CFAP20DC: variants seen among roughly 807,000 people sequenced by gnomAD.
CFAP20DC encodes CFAP20 domain containing, also known as protein CFAP20DC.
In CFAP20DC, 84 loss-of-function variants were observed where a neutral mutation model predicts 101.7. That is an observed-to-expected ratio of 0.83 (90% CI 0.69 to 0.99). The LOEUF (loss-of-function observed/expected upper bound fraction) is 0.99. Among genes scored for constraint, CFAP20DC ranks in the 50% least tolerant of loss-of-function variants. The pLI, the probability that CFAP20DC is intolerant of heterozygous loss-of-function variation, is 0.00. For missense variants in CFAP20DC, 1,007 were observed against 970.3 expected (o/e 1.04, Z -0.50); for synonymous variants, 359 against 351.2 (o/e 1.02, Z -0.25).
chr3:58,981,477 C>A (rs1202419416), intron 4 of CFAP20DC, among the ~76,000 whole-genome samples: 1 of 152,144 alleles, frequency 6.6e-6, no homozygotes. Context: ...CTACAGTAAC[C>A]AAAACAGCAT....
chr3:59,023,734 T>C (rs1313971242), intron 4 of CFAP20DC, among the ~76,000 whole-genome samples: 1 of 152,108 alleles, frequency 6.6e-6, no homozygotes, highest in Non-Finnish European at 1.5e-5. Flanking sequence ...AAAATTCAAA[T>C]ACTGATCATT....
chr3:58,761,279 G>C lies in CFAP20DC; in HGVS notation c.2238-7416C>G, dbSNP rs528121898. Among the ~76,000 whole-genome samples the C allele has an allele frequency of 4.6e-5, 7 of 152,160 alleles. No homozygotes were observed. The East Asian group carries it at 5.8e-4, about 13-fold the overall frequency. On this transcript the variant is annotated intron_variant, in intron 15 of 16. Transcript: ENST00000482387. ...TTAGTCTTGGGAGGGTGTATGTGTCGAGGAATTTATCCATTTCTTCTAGAT... is the reference window on the plus strand; with the variant it reads ...TTAGTCTTGGGAGGGTGTATGTGTCCAGGAATTTATCCATTTCTTCTAGAT...
At chr3:58,816,789 C>T (rs1017115790) in intron 14 of CFAP20DC, among the ~76,000 whole-genome samples, 1 of 152,162 alleles carries the variant, frequency 6.6e-6, no homozygotes, top group African/African-American at 2.4e-5. Context: ...GAGCCCACCA[C>T]AGCTCAAGGA....
intron 7 of CFAP20DC, among the ~76,000 whole-genome samples, chr3:58,884,314 T>A (rs556788741): frequency 6.6e-6 from 1 of 152,354 alleles, no homozygotes; most frequent in Non-Finnish European, 1.5e-5. Context: ...TTGAAAATAT[T>A]TCTATGTGTC....
intron 12 of CFAP20DC, among the ~76,000 whole-genome samples, chr3:58,854,189 C>A (rs986349631): frequency 6.6e-6 from 1 of 151,804 alleles, no homozygotes; most frequent in African/African-American, 2.4e-5. Flanking sequence ...GATACACCAA[C>A]AACAGACAAA....
At chr3:58,821,359 C>T (rs1454425784) in intron 14 of CFAP20DC, among the ~76,000 whole-genome samples, 3 of 151,956 alleles carry the variant, frequency 2.0e-5, no homozygotes, top group Non-Finnish European at 2.9e-5. Flanking sequence ...GAACAGGCAA[C>T]CTACAAAATG....
intron 15 of CFAP20DC, among the ~76,000 whole-genome samples, chr3:58,758,100 T>C (rs1039492059): frequency 6.6e-6 from 1 of 152,168 alleles, no homozygotes; most frequent in African/African-American, 2.4e-5. Flanking sequence ...CCTTGGGAAA[T>C]GATGCTCCAA....
At chr3:58,987,182 A>C (rs1559947749) in intron 4 of CFAP20DC, among the ~76,000 whole-genome samples, 1 of 152,112 alleles carries the variant, frequency 6.6e-6, no homozygotes, top group Non-Finnish European at 1.5e-5. Context: ...ACTGGAGTTA[A>C]AGCTTTCTTA....
chr3:58,873,867 G>C (rs2080499172), intron 7 of CFAP20DC, among the ~76,000 whole-genome samples: 1 of 152,044 alleles, frequency 6.6e-6, no homozygotes, highest in Non-Finnish European at 1.5e-5. Flanking sequence ...AGCTGTTCTA[G>C]ATGTTGTCAG....
At chr3:58,853,197 T>C (rs1212394701) in intron 12 of CFAP20DC, among the ~76,000 whole-genome samples, 1 of 152,140 alleles carries the variant, frequency 6.6e-6, no homozygotes, top group Non-Finnish European at 1.5e-5. Flanking sequence ...CAGAGAATAC[T>C]ACAAACACCT....
In CFAP20DC at chr3:58,814,243, C is replaced by T. The variant is rs867441147; in HGVS notation, c.2176-7787G>A. ...CCAAACCTCTATTCCAAATGACTTA[C>T]TCCATCCCTTGGAAAATAGAAGTGG... is the stretch of plus-strand genomic sequence containing the variant. On this transcript the variant is annotated intron_variant, in intron 14 of 16. Coordinates refer to ENST00000482387, the MANE Select transcript of CFAP20DC (RefSeq NM_001394063.1). Among the ~76,000 whole-genome samples, 9 of 151,924 alleles carry T rather than the reference C, an allele frequency of 5.9e-5. No individual in the cohort carries two copies. The South Asian group carries it at 1.0e-3, about 18-fold the overall frequency.
In CFAP20DC at chr3:58,864,698, C is replaced by T. The variant is rs2079529729; in HGVS notation, c.1259-806G>A. ...CCATGACAAGGTTGGCAGTCATTTC[C>T]TCTCTATTCTACTGATTCAAACAGG... On this transcript the variant is annotated intron_variant, in intron 11 of 16. Coordinates refer to ENST00000482387, the MANE Select transcript of CFAP20DC (RefSeq NM_001394063.1). This position sits in a 1 kb window ranked among gnomAD's most constrained non-coding sequence, Gnocchi z 4.7. Among the ~76,000 whole-genome samples, 2 of 152,116 alleles carry T rather than the reference C, an allele frequency of 1.3e-5. No homozygotes were observed. Among genetic ancestry groups the T allele is most frequent in the Non-Finnish European group, 2.9e-5 (2 of 68,022 alleles).
chr3:58,775,080 G>A (rs2071198814), intron 15 of CFAP20DC, among the ~76,000 whole-genome samples: 1 of 152,186 alleles, frequency 6.6e-6, no homozygotes, highest in South Asian at 2.1e-4. Context: ...GCCTCAGGAA[G>A]TCCTGACGAC....
intron 13 of CFAP20DC, among the ~76,000 whole-genome samples, chr3:58,846,860 G>A (rs1307102353): frequency 1.6e-4 from 24 of 150,010 alleles, no homozygotes; most frequent in Admixed American, 9.9e-4. Context: ...AAATAACGCC[G>A]CATATCTACA....
chr3:58,765,488 A>G (rs1357363934), intron 15 of CFAP20DC, among the ~76,000 whole-genome samples: 42 of 139,718 alleles, frequency 3.0e-4, no homozygotes, highest in East Asian at 8.3e-4. Flanking sequence ...AAAAAAAAAA[A>G]CCAAAAAAAA....
intron 5 of CFAP20DC, among the ~76,000 whole-genome samples, chr3:58,928,831 G>A (rs2086265368): frequency 6.6e-6 from 1 of 152,156 alleles, no homozygotes; most frequent in African/African-American, 2.4e-5. Context: ...CATAACATGA[G>A]CTGAAGTCAC....
intron 4 of CFAP20DC, among the ~76,000 whole-genome samples, chr3:59,025,171 C>G (rs2093872530): frequency 6.6e-6 from 1 of 152,164 alleles, no homozygotes; most frequent in African/African-American, 2.4e-5. Flanking sequence ...ACTCTGATGC[C>G]AGGACTTCTT....
At chr3:58,936,708 G>C (rs1469714235) in intron 5 of CFAP20DC, among the ~76,000 whole-genome samples, 1 of 152,148 alleles carries the variant, frequency 6.6e-6, no homozygotes, top group African/African-American at 2.4e-5. Context: ...CTCCCGCACA[G>C]GTGGGAATTG....
chr3:58,916,039 T>C (rs909926000), intron 5 of CFAP20DC, among the ~76,000 whole-genome samples: 28 of 152,294 alleles, frequency 1.8e-4, no homozygotes, highest in African/African-American at 5.5e-4. Context: ...CTTGTGGCCA[T>C]GTAAATACTG....
Sources: allele counts gnomAD v4.1 joint callset (sites outside exome capture counted in the v4.1 genomes callset), GRCh38; gene constraint gnomAD v4.1.1; non-coding constraint Gnocchi (gnomAD v3.1); transcripts MANE v1.5; gene names NCBI Gene and HGNC (gene_info 2026-07-23, HGNC 2026-07-21).